DLG2: variants seen among roughly 807,000 people sequenced by gnomAD.
The protein encoded by DLG2 is discs large MAGUK scaffold protein 2.
DLG2 carries 45 observed loss-of-function variants against 132.5 expected under a neutral mutation model. The observed-to-expected ratio is 0.34, with a 90% CI of 0.27 to 0.44. DLG2 has a LOEUF of 0.44. DLG2 is among the 20% of genes least tolerant of loss of function. The probability of loss-of-function intolerance (pLI) is 1.00; values close to 1 mark genes in which losing one functional copy is unlikely to be tolerated. For synonymous variants in DLG2, 424 were observed against 419.6 expected (o/e 1.01, Z -0.13); for missense variants, 1,045 against 1,196.9 (o/e 0.87, Z 1.87).
chr11:85,010,796 A>C (rs1230644479), intron 6 of DLG2, among the ~76,000 whole-genome samples: 1 of 152,158 alleles, frequency 6.6e-6, no homozygotes, highest in Non-Finnish European at 1.5e-5. Flanking sequence ...AAGAAAAAAA[A>C]GATGCTAATT....
intron 4 of DLG2, among the ~76,000 whole-genome samples, chr11:85,214,856 T>C (rs539206221): frequency 6.6e-6 from 1 of 152,318 alleles, no homozygotes; most frequent in South Asian, 2.1e-4. Context: ...GACTTTTCCA[T>C]TTATTTGCCT....
At chr11:83,588,052 A>G (rs1030500050) in intron 19 of DLG2, among the ~76,000 whole-genome samples, 2,552 of 152,156 alleles carry the variant, frequency 0.017, 60 homozygotes, top group African/African-American at 0.059. Context: ...CAGCGAGGCT[A>G]GGGGAGGGGC....
chr11:84,986,917 T>A (rs1370877003), intron 6 of DLG2, among the ~76,000 whole-genome samples: 1 of 152,030 alleles, frequency 6.6e-6, no homozygotes, highest in Admixed American at 6.6e-5. Flanking sequence ...GCCAGAGCAA[T>A]CAGAAAAGAG....
At chr11:84,714,428 G>C (rs757372662) in intron 6 of DLG2, among the ~76,000 whole-genome samples, 3 of 152,044 alleles carry the variant, frequency 2.0e-5, no homozygotes, top group Non-Finnish European at 4.4e-5. Flanking sequence ...AAGGCAGAAG[G>C]TTCCAGGGAA....
intron 7 of DLG2, 150 bp downstream of exon 7, chr11:84,534,420 C>T (rs776358261): frequency 9.0e-6 from 6 of 667,632 alleles, no homozygotes; most frequent in African/African-American, 1.8e-5. Context: ...CAAGGTGGGC[C>T]TCCAATGCAC....
intron 17 of DLG2, among the ~76,000 whole-genome samples, chr11:83,796,113 T>A (rs997171418): frequency 8.5e-5 from 13 of 152,208 alleles, no homozygotes; most frequent in Non-Finnish European, 1.6e-4. Flanking sequence ...AGGCAAATAA[T>A]AGGTGCAAAA....
chr11:84,918,739 A>C (rs1318291821), intron 6 of DLG2, among the ~76,000 whole-genome samples: 1 of 152,190 alleles, frequency 6.6e-6, no homozygotes, highest in East Asian at 1.9e-4. Flanking sequence ...ATCCAGTACT[A>C]TTCAAACTGA....
rs549420578 is a variant in DLG2, at chr11:85,529,992, T to C, written c.40+68665A>G. ...GATCTGCCTAGAGAGGGTTTGTTTT[T>C]TTTTTTTTTTTTTTGAGGTGGAGTT... is the stretch of plus-strand genomic sequence containing the variant. On this transcript the variant is annotated intron_variant, in intron 3 of 27. Coordinates refer to ENST00000376104, the MANE Select transcript of DLG2 (RefSeq NM_001142699.3). Among the ~76,000 whole-genome samples, 14 of 149,660 alleles carry C rather than the reference T, an allele frequency of 9.4e-5. No individual in the cohort carries two copies. In the South Asian group the frequency reaches 3.0e-3, roughly 32 times the overall value.
intron 6 of DLG2, among the ~76,000 whole-genome samples, chr11:84,965,314 A>C (rs1656387270): frequency 6.6e-6 from 1 of 151,982 alleles, no homozygotes; most frequent in Non-Finnish European, 1.5e-5. Flanking sequence ...TAAACTTTAG[A>C]AAAAAATTAT....
At chr11:84,207,029 C>T (rs1053748654) in intron 8 of DLG2, among the ~76,000 whole-genome samples, 2 of 150,034 alleles carry the variant, frequency 1.3e-5, no homozygotes, top group Non-Finnish European at 1.5e-5. Flanking sequence ...AATTCATCAG[C>T]AACAAAAAAT....
chr11:85,441,467 T>C (rs1231841358), intron 3 of DLG2, among the ~76,000 whole-genome samples: 1 of 152,200 alleles, frequency 6.6e-6, no homozygotes, highest in Non-Finnish European at 1.5e-5. Context: ...TTTGTTAAGG[T>C]CCTGATTATC....
chr11:85,126,482 G>C (rs916763780), intron 5 of DLG2, among the ~76,000 whole-genome samples: 21 of 152,220 alleles, frequency 1.4e-4, no homozygotes, highest in Non-Finnish European at 2.8e-4. Flanking sequence ...ACTATTAAAT[G>C]GTTAATCCCA....
At chr11:85,624,054 A>T (rs1383997751) in intron 2 of DLG2, among the ~76,000 whole-genome samples, 1 of 152,214 alleles carries the variant, frequency 6.6e-6, no homozygotes, top group African/African-American at 2.4e-5. Flanking sequence ...AATGAAAAGC[A>T]ACTGCTGAGG....
intron 6 of DLG2, among the ~76,000 whole-genome samples, chr11:84,831,917 C>G (rs2079103118): frequency 6.6e-6 from 1 of 151,688 alleles, no homozygotes; most frequent in Non-Finnish European, 1.5e-5. Flanking sequence ...CTTCAGGAAA[C>G]AGAGCACAAG....
chr11:84,081,979 C>T (rs1336707229), intron 10 of DLG2, among the ~76,000 whole-genome samples: 1 of 152,150 alleles, frequency 6.6e-6, no homozygotes, highest in Non-Finnish European at 1.5e-5. Flanking sequence ...TGCTCTCCAG[C>T]ACCTGTTGTT....
chr11:84,405,556 C>T (rs181664241), intron 7 of DLG2, among the ~76,000 whole-genome samples: 18 of 152,108 alleles, frequency 1.2e-4, no homozygotes, highest in Non-Finnish European at 2.6e-4. Context: ...AATATCTAAC[C>T]TATTGAAAGC....
intron 2 of DLG2, among the ~76,000 whole-genome samples, chr11:85,618,202 C>T (rs1467774403): frequency 6.6e-6 from 1 of 152,104 alleles, no homozygotes; most frequent in Non-Finnish European, 1.5e-5. Context: ...TATAGAAATA[C>T]TTGTGTCTTG....
At chr11:85,193,116 A>C (rs1420896905) in intron 4 of DLG2, among the ~76,000 whole-genome samples, 5 of 152,102 alleles carry the variant, frequency 3.3e-5, no homozygotes, top group Admixed American at 3.3e-4. Flanking sequence ...TGGCAGCAAT[A>C]ATCTACTTTC....
chr11:83,655,335 A>G (rs1186798465), intron 18 of DLG2, among the ~76,000 whole-genome samples: 1 of 152,238 alleles, frequency 6.6e-6, no homozygotes, highest in Admixed American at 6.5e-5. Context: ...AGCCTTTTGA[A>G]GAATATCCAT....
Sources: gnomAD v4.1 joint callset for allele counts (sites outside exome capture counted in the v4.1 genomes callset) on GRCh38, gnomAD v4.1.1 for gene constraint, MANE v1.5 for transcripts, NCBI Gene and HGNC (gene_info 2026-07-23, HGNC 2026-07-21) for gene names.